Variants in KIRREL3 observed in about 807,000 individuals in gnomAD.
KIRREL3 encodes kirre like nephrin family adhesion molecule 3.
KIRREL3 carries 36 observed loss-of-function variants against 89.7 expected under a neutral mutation model. That is an observed-to-expected ratio of 0.40 (90% CI 0.31 to 0.53). The LOEUF (loss-of-function observed/expected upper bound fraction) is 0.53, where lower values mean the gene tolerates loss of function less well. Among genes scored for constraint, KIRREL3 ranks in the 20% least tolerant of loss-of-function variants. KIRREL3 has a pLI of 0.49. For missense variants in KIRREL3, 864 were observed against 1,056.6 expected (o/e 0.82, Z 2.53); for synonymous variants, 445 against 441.4 (o/e 1.01, Z -0.10).
At chr11:126,922,631 CCTT>C (rs1339908462) in intron 1 of KIRREL3, among the ~76,000 whole-genome samples, 2 of 152,044 alleles carry the variant, frequency 1.3e-5, no homozygotes, top group Admixed American at 6.5e-5. Context: ...TACCATCTCC[CCTT>C]CTTCTCAGTA....
chr11:126,915,831 ATTCTC>A (rs1224551827), intron 1 of KIRREL3, among the ~76,000 whole-genome samples: 1 of 152,126 alleles, frequency 6.6e-6, no homozygotes, highest in Non-Finnish European at 1.5e-5. Flanking sequence ...ACATTCTCTT[ATTCTC>A]TTAACAGATC....
chr11:126,772,097 G>A lies in KIRREL3; in HGVS notation c.56-209185C>T, dbSNP rs1950036933. Among the ~76,000 whole-genome samples, 1 of 152,228 alleles carries A rather than the reference G, an allele frequency of 6.6e-6. No homozygotes were observed. Among genetic ancestry groups the A allele is most frequent in the South Asian group, 2.1e-4 (1 of 4,832 alleles). On this transcript the variant is annotated intron_variant, in intron 1 of 16. Transcript: ENST00000525144. The surrounding 1 kb of genome is among the most constrained non-coding windows in gnomAD (Gnocchi z 4.6). ...GAGGTGCCAGCTCATTCTCAGGGCA[G>A]AAGAACCAGTGTAGTCTCTCACTAA...
chr11:126,656,009 A>G lies in KIRREL3; in HGVS notation c.56-93097T>C, dbSNP rs1473028681. ...TGGGAGGAGGCCTTAGAAGCTAATT[A>G]GAATCCTCTAGAAGTGTGTGGAAAT... On this transcript the variant is annotated intron_variant, in intron 1 of 16. Transcript: ENST00000525144. This position sits in a 1 kb window ranked among gnomAD's most constrained non-coding sequence, Gnocchi z 4.0. 4 of 300,688 alleles carry G rather than the reference A, an allele frequency of 1.3e-5. No individual in the cohort carries two copies. The highest frequency in any genetic ancestry group is 8.8e-5 in the African/African-American group (4 of 45,590). 18.6% of individuals were successfully genotyped at this position (300,688 alleles called of 1,614,324 possible).
At chr11:126,680,425 C>T (rs1274051500) in intron 1 of KIRREL3, among the ~76,000 whole-genome samples, 1 of 149,610 alleles carries the variant, frequency 6.7e-6, no homozygotes, top group Non-Finnish European at 1.5e-5. Context: ...TACACATAGC[C>T]AGCAGCCAAC....
chr11:126,446,412 C>T (rs1254747648), intron 9 of KIRREL3, among the ~76,000 whole-genome samples: 1 of 151,950 alleles, frequency 6.6e-6, no homozygotes, highest in East Asian at 1.9e-4. Context: ...CTCATGTGAT[C>T]CTTCCACCTC....
rs1344665399 is a variant in KIRREL3 at position 126,822,254 on chromosome 11, G to A, written c.55+178201C>T. ...CATAGTAAGGGCCCTGGAAGTGTTGGCTAACGGTATTACTATTATATAATT... is the reference window on the plus strand; with the variant it reads ...CATAGTAAGGGCCCTGGAAGTGTTGACTAACGGTATTACTATTATATAATT... On this transcript the variant is annotated intron_variant, in intron 1 of 16. Transcript: ENST00000525144. 2.0e-5 allele frequency among the ~76,000 whole-genome samples: 3 copies of A among 152,314 alleles called. No homozygotes were observed. The East Asian group carries it at 5.8e-4, about 29-fold the overall frequency.
chr11:126,699,695 T>C (rs1401679199), intron 1 of KIRREL3, among the ~76,000 whole-genome samples: 1 of 152,228 alleles, frequency 6.6e-6, no homozygotes, highest in Non-Finnish European at 1.5e-5. Flanking sequence ...CACTGCCACA[T>C]GTGGCTAGTG....
chr11:126,478,184 G>GCTCTTTCCTGTTCCTCA (rs1053313273), intron 4 of KIRREL3, among the ~76,000 whole-genome samples: 2 of 152,156 alleles, frequency 1.3e-5, no homozygotes, highest in African/African-American at 4.8e-5. Context: ...TGTCTGTAAC[G>GCTCTTTCCTGTTCCTCA]CTCTTTCCTG....
chr11:126,964,292 T>C (rs916093702), intron 1 of KIRREL3, among the ~76,000 whole-genome samples: 1 of 152,172 alleles, frequency 6.6e-6, no homozygotes, highest in Non-Finnish European at 1.5e-5. Flanking sequence ...AAGAGTGTTA[T>C]TGATTAGCAT....
chr11:126,451,228 T>C (rs1426207946), intron 7 of KIRREL3, among the ~76,000 whole-genome samples: 4 of 146,628 alleles, frequency 2.7e-5, no homozygotes. Flanking sequence ...GGTGTGTGTA[T>C]GCATGTGTAC....
intron 1 of KIRREL3, among the ~76,000 whole-genome samples, chr11:126,673,397 C>A (rs947186946): frequency 1.3e-5 from 2 of 152,188 alleles, no homozygotes; most frequent in Non-Finnish European, 2.9e-5. Flanking sequence ...AGACCTTTAA[C>A]TCTGGTCACT....
Position 126,551,856 on chromosome 11 carries a change from G to A in KIRREL3, c.133+10979C>T, listed in dbSNP as rs1939292721. On this transcript the variant is annotated intron_variant, in intron 2 of 16. Coordinates refer to ENST00000525144, the MANE Select transcript of KIRREL3 (RefSeq NM_032531.4). The surrounding 1 kb of genome is among the most constrained non-coding windows in gnomAD (Gnocchi z 4.9). The stretch of plus-strand genomic sequence containing the variant: ...AGATGGGGTTTCACCATGTTAGTCA[G>A]GCTGGTCTTGAACTCCTGACCTCAG... Among the ~76,000 whole-genome samples the A allele has an allele frequency of 6.6e-6, 1 of 152,164 alleles. No homozygotes were observed. Among genetic ancestry groups the A allele is most frequent in the Non-Finnish European group, 1.5e-5 (1 of 68,030 alleles).
intron 13 of KIRREL3, among the ~76,000 whole-genome samples, chr11:126,433,286 G>A (rs773643562): frequency 6.6e-6 from 1 of 152,220 alleles, no homozygotes; most frequent in East Asian, 1.9e-4. Flanking sequence ...CTAGGTATCA[G>A]TTCTGGGTTG....
Position 126,564,126 on chromosome 11 carries a change from C to T in KIRREL3, c.56-1214G>A, listed in dbSNP as rs1392471075. 6.6e-6 allele frequency among the ~76,000 whole-genome samples: 1 copy of T among 152,256 alleles called. No individual in the cohort carries two copies. The highest frequency in any genetic ancestry group is 1.5e-5 in the Non-Finnish European group (1 of 68,046). On this transcript the variant is annotated intron_variant, in intron 1 of 16. Transcript: ENST00000525144. The surrounding 1 kb of genome is among the most constrained non-coding windows in gnomAD (Gnocchi z 7.4). ...CTTGCCAGGGTTTCTGGGCTCCTCC[C>T]TGCTCCTTCCTTTGATTTCTCAGAG...
At chr11:126,968,504 GTC>G (rs1408176766) in intron 1 of KIRREL3, among the ~76,000 whole-genome samples, 2 of 152,184 alleles carry the variant, frequency 1.3e-5, no homozygotes, top group Non-Finnish European at 2.9e-5. Flanking sequence ...GGATGAAGCT[GTC>G]TGGGTCATTC....
Position 126,843,544 on chromosome 11 carries a change from C to G in KIRREL3, c.55+156911G>C, listed in dbSNP as rs1944033984. Among the ~76,000 whole-genome samples the G allele has an allele frequency of 6.6e-6, 1 of 152,136 alleles. No homozygotes were observed. The highest frequency in any genetic ancestry group is 1.5e-5 in the Non-Finnish European group (1 of 68,016). ...AGCTATGCAATCAAACCAAAGCATG[C>G]CTAAGCGATAACTGGAGTCCCGACG... On this transcript the variant is annotated intron_variant, in intron 1 of 16. Coordinates refer to ENST00000525144, the MANE Select transcript of KIRREL3 (RefSeq NM_032531.4). The surrounding 1 kb of genome is among the most constrained non-coding windows in gnomAD (Gnocchi z 4.6).
At chr11:126,599,585 A>G (rs1249681473) in intron 1 of KIRREL3, among the ~76,000 whole-genome samples, 1 of 152,110 alleles carries the variant, frequency 6.6e-6, no homozygotes, top group African/African-American at 2.4e-5. Flanking sequence ...TTTTCCATCA[A>G]ATGGAAGCCT....
chr11:126,439,890 C>T (rs1032375630), intron 11 of KIRREL3, among the ~76,000 whole-genome samples: 2 of 151,758 alleles, frequency 1.3e-5, no homozygotes, highest in South Asian at 2.1e-4. Context: ...TGGTAGGAGG[C>T]GCTGAGGGTG....
chr11:126,828,622 G>A (rs1001796220), intron 1 of KIRREL3, among the ~76,000 whole-genome samples: 2 of 152,100 alleles, frequency 1.3e-5, no homozygotes, highest in African/African-American at 2.4e-5. Context: ...CACTGGACCC[G>A]AGAATGGTGC....
Sources: allele counts gnomAD v4.1 joint callset (sites outside exome capture counted in the v4.1 genomes callset), GRCh38; gene constraint gnomAD v4.1.1; non-coding constraint Gnocchi (gnomAD v3.1); transcripts MANE v1.5; gene names NCBI Gene and HGNC (gene_info 2026-07-23, HGNC 2026-07-21).